Variants in PLA2R1 observed in about 807,000 individuals in gnomAD.
PLA2R1 encodes the protein phospholipase A2 receptor 1.
Under a neutral mutation model 195.9 loss-of-function variants are expected in PLA2R1, and 158 were observed. The ratio of observed to expected loss-of-function variants is 0.81; its 90% CI spans 0.71 to 0.92. The LOEUF (loss-of-function observed/expected upper bound fraction) is 0.92. PLA2R1 is among the 40% of genes least tolerant of loss of function. The pLI, the probability that PLA2R1 is intolerant of heterozygous loss-of-function variation, is 0.00. For missense variants in PLA2R1, 1,626 were observed against 1,764.6 expected, an observed-to-expected ratio of 0.92 and a Z score of 1.41; for synonymous variants, 586 against 598.2, an observed-to-expected ratio of 0.98 and a Z score of 0.30.
chr2:159,927,437 C>G (rs1686519634), downstream of PLA2R1, among the ~76,000 whole-genome samples: 1 of 152,152 alleles, frequency 6.6e-6, no homozygotes, highest in Non-Finnish European at 1.5e-5. Context: ...TTGCTACTAT[C>G]TAGGGCCATA....
At chr2:160,037,782 T>C (rs1694253234) in intron 3 of PLA2R1, among the ~76,000 whole-genome samples, 1 of 152,204 alleles carries the variant, frequency 6.6e-6, no homozygotes. Context: ...ACAGTTCAAA[T>C]ACAACTTCCT....
At chr2:159,928,056 G>A (rs1240136569), downstream of PLA2R1, among the ~76,000 whole-genome samples, 1 of 152,184 alleles carries the variant, frequency 6.6e-6, no homozygotes, top group Non-Finnish European at 1.5e-5. Context: ...GTGTGGAGAT[G>A]GACTGGAACT....
At chr2:159,995,958 C>A (rs1337066965) in intron 11 of PLA2R1, among the ~76,000 whole-genome samples, 1 of 152,094 alleles carries the variant, frequency 6.6e-6, no homozygotes, top group Non-Finnish European at 1.5e-5. Flanking sequence ...CCCTGTCACT[C>A]ATTTCACTTG....
At chr2:159,986,947 C>T (rs1311463745) in intron 12 of PLA2R1, among the ~76,000 whole-genome samples, 1 of 152,072 alleles carries the variant, frequency 6.6e-6, no homozygotes, top group Non-Finnish European at 1.5e-5. Context: ...TCAATATCAC[C>T]AGGATGTGTC....
chr2:160,018,380 T>A (rs192615536), intron 8 of PLA2R1, among the ~76,000 whole-genome samples: 1 of 152,184 alleles, frequency 6.6e-6, no homozygotes, highest in Non-Finnish European at 1.5e-5. Flanking sequence ...CGGTTGCCCA[T>A]GCCAGTAATC....
chr2:160,049,234 G>A (rs924095761), intron 1 of PLA2R1, among the ~76,000 whole-genome samples: 1 of 152,044 alleles, frequency 6.6e-6, no homozygotes, highest in African/African-American at 2.4e-5. Flanking sequence ...GTTCCTTTAG[G>A]AGGAGACCAT....
chr2:160,025,588 CAAAAAAAA>C (rs56365741), intron 6 of PLA2R1, among the ~76,000 whole-genome samples: 3 of 52,868 alleles, frequency 5.7e-5, no homozygotes, highest in African/African-American at 1.8e-4. Flanking sequence ...AACCATAAAG[CAAAAAAAA>C]AAAAAAAAAA....
rs1459970511 is a variant in PLA2R1, at chr2:160,062,359, C to T, written c.45G>A (p.Ala15=). ...CCACACCCTCGGCGCAGCCCCGCGGCGCCCCCAGCAGCAGCAGCAGCAGCA... is the reference window on the plus strand; with the variant it reads ...CCACACCCTCGGCGCAGCCCCGCGGTGCCCCCAGCAGCAGCAGCAGCAGCA... ...PSLLLLLLLG[A]PRGCAEGVAA... is the part of the protein sequence containing the mutation. The change falls in exon 1 of 30, where the codon GCG becomes GCA. Residue 15 remains alanine, a synonymous_variant. Coordinates refer to ENST00000283243, the MANE Select transcript of PLA2R1 (RefSeq NM_007366.5). The T allele has an allele frequency of 2.0e-6, 3 of 1,536,990 alleles. No individual in the cohort carries two copies. Among genetic ancestry groups the T allele is most frequent in the South Asian group, 2.4e-5 (2 of 83,362 alleles).
chr2:160,062,438 C>T lies in PLA2R1; in HGVS notation c.-35G>A. ...CTGGGCTCTCCGGGAGCCCCTTGTC[C>T]CGGGAGCCCCTTATCCCGGGAGCCC... On this transcript the variant is annotated 5_prime_UTR_variant, in exon 1 of 30. Coordinates refer to ENST00000283243, the MANE Select transcript of PLA2R1 (RefSeq NM_007366.5). 6.6e-7 allele frequency: 1 copy of T among 1,515,948 alleles called. No homozygotes were observed. Among genetic ancestry groups the T allele is most frequent in the Non-Finnish European group, 8.8e-7 (1 of 1,133,104 alleles). The allele number at this position is 1,515,948 out of a possible 1,614,324, so 93.9% of individuals were successfully genotyped here. A position where few individuals can be genotyped will look rare whatever the true frequency, so the allele number is the denominator to read the frequency against.
chr2:159,967,444 C>A, intron 20 of PLA2R1, 95 bp downstream of exon 20: 1 of 1,100,168 alleles, frequency 9.1e-7, no homozygotes, highest in Middle Eastern at 2.5e-4. Context: ...ATGGACAACT[C>A]ACAGCTTTCA....
chr2:159,955,639 A>G, intron 22 of PLA2R1, 59 bp downstream of exon 22: 1 of 962,910 alleles, frequency 1.0e-6, no homozygotes, highest in African/African-American at 1.7e-5. Context: ...TTTAGTAAAC[A>G]AATCTTGAAT....
intron 8 of PLA2R1, among the ~76,000 whole-genome samples, chr2:160,016,933 C>T (rs1011892514): frequency 2.0e-5 from 3 of 152,148 alleles, no homozygotes; most frequent in African/African-American, 7.2e-5. Flanking sequence ...ACTGGGTGGG[C>T]AGGAGAGAGG....
Position 159,947,540 on chromosome 2 carries a change from G to T in PLA2R1, c.3729C>A (p.His1243Gln), listed in dbSNP as rs1413799077. The T allele has an allele frequency of 8.1e-6, 13 of 1,613,136 alleles. No homozygotes were observed. The highest frequency in any genetic ancestry group is 1.1e-5 in the Non-Finnish European group (13 of 1,179,612). ...TAGATGTTTCTGAGCACAACTCTGG[G>T]TGTTCAGATTGTCTTGTTTCTGTGA... ...HVPPETRQSE[H>Q]PELCSETSIP... Residue 1243 changes from histidine to glutamine, a missense_variant, in exon 26 of 30, where the codon CAC (histidine) becomes CAA (glutamine). Transcript: ENST00000283243.
chr2:160,062,174 C>A (rs373870083), intron 1 of PLA2R1, 121 bp downstream of exon 1: 7 of 723,522 alleles, frequency 9.7e-6, no homozygotes, highest in East Asian at 9.7e-5. Flanking sequence ...CGAACCCCTA[C>A]AAACGCGGCC....
At chr2:160,054,677 C>G (rs1695422419) in intron 1 of PLA2R1, among the ~76,000 whole-genome samples, 3 of 152,178 alleles carry the variant, frequency 2.0e-5, no homozygotes, top group African/African-American at 7.2e-5. Flanking sequence ...TCATAATTTT[C>G]TAATTTTCTT....
chr2:160,062,170 CCTACAAA>C, intron 1 of PLA2R1, 118 bp downstream of exon 1: 2 of 669,624 alleles, frequency 3.0e-6, no homozygotes, highest in South Asian at 4.1e-5. Context: ...CACACGAACC[CCTACAAA>C]CGCGGCCGCC....
At chr2:160,016,513 A>C (rs1444445198) in intron 9 of PLA2R1, 101 bp downstream of exon 9, 4 of 690,252 alleles carry the variant, frequency 5.8e-6, no homozygotes, top group African/African-American at 3.6e-5. Context: ...AAGAGAGGAG[A>C]GAGAGAGAGG....
intron 13 of PLA2R1, 61 bp from the exon 14 acceptor site, chr2:159,979,975 G>T: frequency 1.0e-6 from 1 of 988,766 alleles, no homozygotes; most frequent in South Asian, 1.4e-5. Flanking sequence ...TTATGTGAAA[G>T]GTTCAAAAAA....
intron 3 of PLA2R1, 30 bp from the exon 4 acceptor site, chr2:160,033,162 G>A (rs2203053): frequency 0.6 from 931,562 of 1,565,216 alleles, 284,252 homozygotes; most frequent in Non-Finnish European, 0.64. Context: ...AAAACAACCA[G>A]GTCTTATTTT....
Sources: gnomAD v4.1 joint callset for allele counts (sites outside exome capture counted in the v4.1 genomes callset) on GRCh38, gnomAD v4.1.1 for gene constraint, MANE v1.5 for transcripts, NCBI Gene and HGNC (gene_info 2026-07-23, HGNC 2026-07-21) for gene names.